PAX5: variants seen among roughly 807,000 people sequenced by gnomAD.
PAX5 encodes the protein paired box 5.
PAX5 carries 9 observed loss-of-function variants against 43.7 expected under a neutral mutation model. That is an observed-to-expected ratio of 0.21 (90% confidence interval 0.12 to 0.36). The LOEUF is 0.36. PAX5 is among the 10% of genes least tolerant of loss of function. The probability of loss-of-function intolerance (pLI) is 1.00; values close to 1 mark genes in which losing one functional copy is unlikely to be tolerated. For synonymous variants in PAX5, 228 were observed against 214.3 expected, an observed-to-expected ratio of 1.06 and a Z score of -0.56; for missense variants, 383 against 532.7, an observed-to-expected ratio of 0.72 and a Z score of 2.77.
At chr9:36,888,842 C>T (rs989890333) in intron 7 of PAX5, among the ~76,000 whole-genome samples, 4 of 152,184 alleles carry the variant, frequency 2.6e-5, no homozygotes, top group Admixed American at 6.5e-5. Context: ...TTCACACAGG[C>T]TCCCCCGTTG....
intron 6 of PAX5, among the ~76,000 whole-genome samples, chr9:36,943,132 G>A (rs769644295): frequency 1.3e-5 from 2 of 152,084 alleles, no homozygotes; most frequent in African/African-American, 2.4e-5. Context: ...CATCTCCATT[G>A]CTTCACGTTC....
In PAX5 at chr9:36,861,199, C is replaced by T. The variant is rs534587667; in HGVS notation, c.1013-14270G>A. ...TGACACCAGGTCCACTGCAGACAGT[C>T]GCAATTTCATCCATCCATTCATCTA... On this transcript the variant is annotated intron_variant, in intron 8 of 9. Transcript: ENST00000358127. 14 of 152,008 alleles carry T rather than the reference C, an allele frequency of 9.2e-5. No individual in the cohort carries two copies. In the South Asian group the frequency reaches 2.7e-3, roughly 29 times the overall value. 9.4% of individuals were successfully genotyped at this position (152,008 alleles called of 1,614,324 possible).
At chr9:37,028,500 G>T (rs1286035381) in intron 1 of PAX5, among the ~76,000 whole-genome samples, 2 of 152,202 alleles carry the variant, frequency 1.3e-5, no homozygotes, top group African/African-American at 4.8e-5. Flanking sequence ...GCACCAGGGC[G>T]CACCTGGGTG....
intron 5 of PAX5, among the ~76,000 whole-genome samples, chr9:36,998,211 C>A (rs1259239013): frequency 6.6e-6 from 1 of 152,232 alleles, no homozygotes; most frequent in Non-Finnish European, 1.5e-5. Flanking sequence ...TGCTGAAGAA[C>A]AGTTCATCTG....
intron 5 of PAX5, among the ~76,000 whole-genome samples, chr9:36,987,419 AAG>A (rs1836524826): frequency 6.6e-6 from 1 of 152,232 alleles, no homozygotes; most frequent in Non-Finnish European, 1.5e-5. Flanking sequence ...TCTCATAGGC[AAG>A]AGAGCTTTAC....
At chr9:36,966,822 A>G in intron 5 of PAX5, 98 bp from the exon 6 acceptor site, 2 of 1,068,538 alleles carry the variant, frequency 1.9e-6, no homozygotes, top group Non-Finnish European at 2.8e-6. Flanking sequence ...ACCTGACCCC[A>G]ACTCCCTCCC....
At chr9:36,844,111 T>C (rs1822341184) in intron 9 of PAX5, among the ~76,000 whole-genome samples, 1 of 152,232 alleles carries the variant, frequency 6.6e-6, no homozygotes, top group Non-Finnish European at 1.5e-5. Context: ...GTCTGACAGA[T>C]ACAGATAGTA....
At chr9:36,859,330 T>G (rs1823970188) in intron 8 of PAX5, among the ~76,000 whole-genome samples, 1 of 152,050 alleles carries the variant, frequency 6.6e-6, no homozygotes. Flanking sequence ...CGGGCCGGGC[T>G]GAAGTAGGGA....
At chr9:36,863,595 T>C (rs73648156) in intron 8 of PAX5, among the ~76,000 whole-genome samples, 1,650 of 152,324 alleles carry the variant, frequency 0.011, 29 homozygotes, top group African/African-American at 0.037. Flanking sequence ...GCTCCAGCTC[T>C]CAGGCCCCTG....
intron 7 of PAX5, among the ~76,000 whole-genome samples, chr9:36,893,701 C>T (rs530454707): frequency 1.2e-4 from 19 of 152,146 alleles, no homozygotes; most frequent in Non-Finnish European, 2.5e-4. Context: ...GACAGGAAAA[C>T]AATATAATCA....
At chr9:36,854,689 A>G (rs1296546974) in intron 8 of PAX5, among the ~76,000 whole-genome samples, 1 of 152,108 alleles carries the variant, frequency 6.6e-6, no homozygotes, top group African/African-American at 2.4e-5. Flanking sequence ...TGGGCTCCCA[A>G]CAGGGAGATG....
At chr9:36,948,063 C>T (rs1265920463) in intron 6 of PAX5, among the ~76,000 whole-genome samples, 1 of 152,212 alleles carries the variant, frequency 6.6e-6, no homozygotes, top group African/African-American at 2.4e-5. Context: ...TGGAGACACA[C>T]GGGAGCCTCA....
At chr9:36,851,511 G>A (rs185555411) in intron 8 of PAX5, among the ~76,000 whole-genome samples, 1 of 152,332 alleles carries the variant, frequency 6.6e-6, no homozygotes, top group Admixed American at 6.5e-5. Context: ...AATGTCCCGA[G>A]AAGCCTGAGC....
chr9:36,935,546 G>A (rs1267216118), intron 6 of PAX5, among the ~76,000 whole-genome samples: 1 of 152,228 alleles, frequency 6.6e-6, no homozygotes, highest in Non-Finnish European at 1.5e-5. Flanking sequence ...GTGGGTACCA[G>A]CAGGGGAAGC....
chr9:37,029,912 C>A (rs1020609488), intron 1 of PAX5, among the ~76,000 whole-genome samples: 2 of 152,160 alleles, frequency 1.3e-5, no homozygotes, highest in South Asian at 4.1e-4. Flanking sequence ...AGAAAGGCTG[C>A]GGGCTGGAAA....
rs750866497 is a variant in PAX5 at position 36,923,419 on chromosome 9, G to A, written c.846C>T (p.Ala282=). Residue 282 remains alanine, a synonymous_variant, in exon 7 of 10, where the codon GCC becomes GCT. Transcript: ENST00000358127. ...TCCCGATGTCAGCAGGGGTGGGGCT[G>A]GCCAGATTGGCCTTCATGTCGTCCA... The part of the protein sequence containing the change: ...GGLDDMKANL[A]SPTPADIGSS... 6.2e-7 allele frequency: 1 copy of A among 1,613,106 alleles called. No individual in the cohort carries two copies. The highest frequency in any genetic ancestry group is 1.1e-5 in the South Asian group (1 of 91,070).
intron 8 of PAX5, 124 bp downstream of exon 8, chr9:36,881,880 G>A: frequency 2.6e-6 from 2 of 763,094 alleles, no homozygotes; most frequent in Non-Finnish European, 4.5e-6. Flanking sequence ...GCAGACCTCT[G>A]CCTGATTTAT....
chr9:36,944,306 T>C (rs139390932), intron 6 of PAX5, among the ~76,000 whole-genome samples: 18 of 152,256 alleles, frequency 1.2e-4, no homozygotes, highest in African/African-American at 4.3e-4. Flanking sequence ...AACAGCCCTA[T>C]AAGGCAAGCA....
chr9:37,027,148 T>C (rs923869599), intron 1 of PAX5, among the ~76,000 whole-genome samples: 23 of 152,156 alleles, frequency 1.5e-4, no homozygotes, highest in South Asian at 2.1e-4. Flanking sequence ...TCCGCCTCTC[T>C]CCAACTGGCT....
Sources: allele counts gnomAD v4.1 joint callset (sites outside exome capture counted in the v4.1 genomes callset), GRCh38; gene constraint gnomAD v4.1.1; transcripts MANE v1.5; gene names NCBI Gene and HGNC (gene_info 2026-07-23, HGNC 2026-07-21).